Variants in LRRIQ3 observed in about 807,000 individuals in gnomAD.
The protein encoded by LRRIQ3 is leucine-rich repeat and IQ domain-containing protein 3.
LRRIQ3 carries 75 observed loss-of-function variants against 59.3 expected under a neutral mutation model. The observed-to-expected ratio is 1.26, with a 90% CI of 1.05 to 1.53. The LOEUF is 1.53. Among genes scored for constraint, LRRIQ3 ranks in the 40% most tolerant of loss-of-function variants. The pLI, the probability that LRRIQ3 is intolerant of heterozygous loss-of-function variation, is 0.00. For synonymous variants in LRRIQ3, 250 were observed against 231.3 expected (o/e 1.08, Z -0.73); for missense variants, 831 against 710.0 (o/e 1.17, Z -1.94).
At chr1:74,144,102 G>A (rs1647402029) in intron 4 of LRRIQ3, among the ~76,000 whole-genome samples, 1 of 151,626 alleles carries the variant, frequency 6.6e-6, no homozygotes, top group Non-Finnish European at 1.5e-5. Flanking sequence ...TACCTATTTG[G>A]GCACCTTTCA....
intron 4 of LRRIQ3, among the ~76,000 whole-genome samples, chr1:74,148,431 T>C (rs1431863511): frequency 6.6e-6 from 1 of 152,128 alleles, no homozygotes; most frequent in Non-Finnish European, 1.5e-5. Flanking sequence ...CAGTCACCAG[T>C]TGTGGCAGTG....
rs141793872 is a variant in LRRIQ3, at chr1:74,085,814, T to C, written c.868-11024A>G. On this transcript the variant is annotated intron_variant, in intron 5 of 7. Coordinates refer to ENST00000354431, the MANE Select transcript of LRRIQ3 (RefSeq NM_001105659.2). ...ATAGTGATGCTTTTTATGTCAGACC[T>C]ATCTGTGAAAAAGACTTTGCTCTCA... Among the ~76,000 whole-genome samples, 98 of 152,128 alleles carry C rather than the reference T, an allele frequency of 6.4e-4. 4 individuals are homozygous for C. In the East Asian group the frequency reaches 0.014, roughly 22 times the overall value.
intron 4 of LRRIQ3, among the ~76,000 whole-genome samples, chr1:74,145,611 A>T (rs1483987763): frequency 6.6e-6 from 1 of 152,144 alleles, no homozygotes; most frequent in Non-Finnish European, 1.5e-5. Context: ...TCATCAACAA[A>T]ATAATCAGAA....
intron 5 of LRRIQ3, among the ~76,000 whole-genome samples, chr1:74,077,921 C>T (rs1646228142): frequency 6.6e-6 from 1 of 151,916 alleles, no homozygotes; most frequent in Non-Finnish European, 1.5e-5. Flanking sequence ...AACGATCTTA[C>T]TTTCAATAAC....
intron 6 of LRRIQ3, among the ~76,000 whole-genome samples, chr1:74,057,990 T>G (rs541535680): frequency 6.6e-4 from 101 of 151,886 alleles, no homozygotes; most frequent in African/African-American, 2.4e-3. Context: ...TCACCAATCA[T>G]TAGGAAAATG....
intron 4 of LRRIQ3, among the ~76,000 whole-genome samples, chr1:74,120,102 G>C (rs1388552962): frequency 6.6e-6 from 1 of 151,580 alleles, no homozygotes; most frequent in South Asian, 2.1e-4. Flanking sequence ...TCTTCACATA[G>C]GATATTTATT....
chr1:74,093,955 T>A (rs1480279364), intron 5 of LRRIQ3, among the ~76,000 whole-genome samples: 1 of 152,106 alleles, frequency 6.6e-6, no homozygotes, highest in East Asian at 1.9e-4. Context: ...ATAGACTGAC[T>A]GGCTTAAAAC....
At chr1:74,159,769 T>C (rs1241193169) in intron 3 of LRRIQ3, among the ~76,000 whole-genome samples, 1 of 152,132 alleles carries the variant, frequency 6.6e-6, no homozygotes, top group Non-Finnish European at 1.5e-5. Context: ...CAATTCCATT[T>C]ATTTACTTTG....
intron 3 of LRRIQ3, among the ~76,000 whole-genome samples, chr1:74,163,815 G>GT (rs1489240120): frequency 1.3e-5 from 2 of 151,354 alleles, no homozygotes; most frequent in Non-Finnish European, 3.0e-5. Context: ...TCCATGTTTA[G>GT]TTTTTTCAGA....
intron 4 of LRRIQ3, among the ~76,000 whole-genome samples, chr1:74,136,221 G>T (rs1170396183): frequency 6.6e-6 from 1 of 151,882 alleles, no homozygotes; most frequent in African/African-American, 2.4e-5. Context: ...AACAAGTAAA[G>T]AAATTGAATT....
At chr1:74,097,223 G>A (rs1646462198) in intron 5 of LRRIQ3, among the ~76,000 whole-genome samples, 1 of 152,166 alleles carries the variant, frequency 6.6e-6, no homozygotes, top group Non-Finnish European at 1.5e-5. Context: ...TAAATGACCT[G>A]ATGGAGCTGA....
chr1:74,057,285 C>A (rs961128625), intron 6 of LRRIQ3, among the ~76,000 whole-genome samples: 16 of 152,002 alleles, frequency 1.1e-4, no homozygotes, highest in African/African-American at 3.6e-4. Context: ...ATACAAGTTA[C>A]TATAGCTTTT....
chr1:74,186,455 A>G (rs991957199), intron 1 of LRRIQ3, among the ~76,000 whole-genome samples: 3 of 152,200 alleles, frequency 2.0e-5, no homozygotes, highest in Non-Finnish European at 4.4e-5. Flanking sequence ...AATTTTAGCT[A>G]TTAGATGAAT....
chr1:74,074,330 T>C (rs920422269), intron 6 of LRRIQ3, among the ~76,000 whole-genome samples: 1 of 152,126 alleles, frequency 6.6e-6, no homozygotes, highest in African/African-American at 2.4e-5. Context: ...AGTGTATAGG[T>C]GGATGAATTC....
intron 6 of LRRIQ3, among the ~76,000 whole-genome samples, chr1:74,073,003 T>C (rs1041739506): frequency 6.6e-6 from 1 of 152,150 alleles, no homozygotes; most frequent in Non-Finnish European, 1.5e-5. Context: ...TTTCTTTCTT[T>C]CAATGCCTTG....
At chr1:74,109,118 G>A (rs575631226) in intron 5 of LRRIQ3, 22 of 198,570 alleles carry the variant, frequency 1.1e-4, no homozygotes, top group Middle Eastern at 2.3e-3. Context: ...TGGTTTTTAC[G>A]TTATTATTAC....
At chr1:74,112,829 C>T (rs7545879) in intron 4 of LRRIQ3, among the ~76,000 whole-genome samples, 82 of 152,040 alleles carry the variant, frequency 5.4e-4, no homozygotes, top group African/African-American at 2.0e-3. Flanking sequence ...CAAATCACAA[C>T]AAGAAACTCT....
intron 7 of LRRIQ3, among the ~76,000 whole-genome samples, chr1:74,033,517 A>G (rs1329401096): frequency 2.6e-5 from 4 of 151,982 alleles, no homozygotes; most frequent in Non-Finnish European, 5.9e-5. Context: ...ATAAATAAAT[A>G]TATAGGAGTT....
chr1:74,057,916 G>C (rs1404317651), intron 6 of LRRIQ3, among the ~76,000 whole-genome samples: 1 of 152,016 alleles, frequency 6.6e-6, no homozygotes, highest in Non-Finnish European at 1.5e-5. Flanking sequence ...CAAAATCCCT[G>C]ACTAGACATT....
Sources: allele counts gnomAD v4.1 joint callset (sites outside exome capture counted in the v4.1 genomes callset), GRCh38; gene constraint gnomAD v4.1.1; transcripts MANE v1.5; gene names NCBI Gene and HGNC (gene_info 2026-07-23, HGNC 2026-07-21).